The following APOL3 variants were observed in gnomAD, a reference collection of about 807,000 sequenced individuals.
The protein encoded by APOL3 is TNF-inducible protein CG12-1.
Under a neutral mutation model 11.6 loss-of-function variants are expected in APOL3, and 14 were observed. The observed-to-expected ratio is 1.21, with a 90% confidence interval of 0.80 to 1.89. APOL3 has a LOEUF of 1.89. APOL3 is among the 40% of genes most tolerant of loss of function. The pLI is 0.00. For missense variants in APOL3, 483 were observed against 492.1 expected (o/e 0.98, Z 0.17); for synonymous variants, 192 against 190.6 (o/e 1.01, Z -0.06).
chr22:36,141,340 C>A (rs776356595), exon 3 of APOL3: 2 of 1,614,076 alleles, frequency 1.2e-6, no homozygotes, highest in Non-Finnish European at 1.7e-6. Flanking sequence ...GACTCGTATA[C>A]AAGGTTGACC....
At position 36,152,335 on chromosome 22, in the gene APOL3, C is replaced by T. The variant is rs1464558639; in HGVS notation, c.224-6736G>A. ...TGTGCAACCATATTGTACAACTCAG[C>T]TCAACAGTAAGCAAGATTTAAAGCG... is the stretch of plus-strand genomic sequence containing the variant. On this transcript the variant is annotated intron_variant, in intron 1 of 2. Transcript: ENST00000349314. Among the ~76,000 whole-genome samples the T allele has an allele frequency of 5.9e-5, 9 of 152,310 alleles. No individual in the cohort carries two copies. In the East Asian group the frequency reaches 1.5e-3, roughly 26 times the overall value.
At chr22:36,144,928 G>A (rs1028749728) in intron 2 of APOL3, among the ~76,000 whole-genome samples, 30 of 149,898 alleles carry the variant, frequency 2.0e-4, no homozygotes, top group Admixed American at 7.3e-4. Context: ...GGAGAATGGC[G>A]TGAAACCGGG....
intron 1 of APOL3, among the ~76,000 whole-genome samples, chr22:36,148,299 G>A (rs747492147): frequency 4.6e-5 from 7 of 152,182 alleles, no homozygotes; most frequent in South Asian, 2.1e-4. Context: ...CAGGGCAGGC[G>A]CCCTGGGGGA....
At chr22:36,145,944 C>T (rs1438787756) in intron 1 of APOL3, among the ~76,000 whole-genome samples, 2 of 150,842 alleles carry the variant, frequency 1.3e-5, no homozygotes, top group East Asian at 4.0e-4. Context: ...CCCTCGCTGT[C>T]TCTCTTGCCT....
chr22:36,149,812 G>A (rs1271936707), intron 1 of APOL3: 1 of 455,796 alleles, frequency 2.2e-6, no homozygotes, highest in East Asian at 6.9e-5. Context: ...TCTGTGTCTT[G>A]CACTCTATGC....
chr22:36,142,776 T>C (rs1182996360), intron 2 of APOL3, among the ~76,000 whole-genome samples: 1 of 152,174 alleles, frequency 6.6e-6, no homozygotes, highest in African/African-American at 2.4e-5. Context: ...AAAGACTTTC[T>C]CCTTGGCCAA....
intron 1 of APOL3, chr22:36,149,760 C>T: frequency 2.2e-6 from 1 of 445,370 alleles, no homozygotes; most frequent in Non-Finnish European, 4.5e-6. Context: ...AAAATATTGA[C>T]TCATGCATAC....
chr22:36,141,351 A>G, exon 3 of APOL3: 1 of 1,614,184 alleles, frequency 6.2e-7, no homozygotes, highest in Non-Finnish European at 8.5e-7. Context: ...AAGGTTGACC[A>G]CATCCAGTGC....
At chr22:36,154,489 CAAG>C (rs66506538) in intron 1 of APOL3, 117,073 of 408,928 alleles carry the variant, frequency 0.29, 18,598 homozygotes, top group South Asian at 0.35. Flanking sequence ...TTGGTTTTAA[CAAG>C]AAGAGCATCT....
At position 36,154,760 on chromosome 22, in the gene APOL3, C is replaced by T. The variant is rs182941347; in HGVS notation, c.223+5909G>A. On this transcript the variant is annotated intron_variant, in intron 1 of 2. Transcript: ENST00000349314. Reference sequence around the variant, plus strand: ...AGACAGAAACTGAGTCTCTGCTCCACCCACAAAATACCAAACACTCCCTCT... The same window carrying T: ...AGACAGAAACTGAGTCTCTGCTCCATCCACAAAATACCAAACACTCCCTCT... 24 of 358,400 alleles carry T rather than the reference C, an allele frequency of 6.7e-5. No individual in the cohort carries two copies. The East Asian group carries it at 1.9e-3, about 29-fold the overall frequency. The allele number at this position is 358,400 out of a possible 1,614,324, so 22.2% of individuals were successfully genotyped here. A position where few individuals can be genotyped will look rare whatever the true frequency, so the allele number is the denominator to read the frequency against.
chr22:36,159,968 A>C (rs1022856189), intron 1 of APOL3, among the ~76,000 whole-genome samples: 1 of 151,450 alleles, frequency 6.6e-6, no homozygotes. Context: ...TGCAACCTTC[A>C]TCACCTGGGT....
rs1246681907 is a variant in APOL3, at chr22:36,160,666, T to A, written c.223+3A>T. 1 of 1,613,918 alleles carries A rather than the reference T, an allele frequency of 6.2e-7. No homozygotes were observed. The highest frequency in any genetic ancestry group is 2.2e-5 in the East Asian group (1 of 44,894). Reference sequence around the variant, plus strand: ...GGGGAAGGTCAGACCACCCCTAACTTACCAAGGAAGCTTCTCTTGAAAGAG... The same window carrying A: ...GGGGAAGGTCAGACCACCCCTAACTAACCAAGGAAGCTTCTCTTGAAAGAG... On this transcript the variant is annotated splice_donor_region_variant and intron_variant, in intron 1 of 2. Transcript: ENST00000349314.
intron 1 of APOL3, among the ~76,000 whole-genome samples, chr22:36,147,476 T>C (rs2060262418): frequency 6.6e-6 from 1 of 152,200 alleles, no homozygotes; most frequent in African/African-American, 2.4e-5. Context: ...GCCAAGCCCT[T>C]CTGAAGGATT....
chr22:36,152,109 T>C (rs1258917180), intron 1 of APOL3, among the ~76,000 whole-genome samples: 1 of 152,004 alleles, frequency 6.6e-6, no homozygotes, highest in Non-Finnish European at 1.5e-5. Flanking sequence ...CAGCTGGGCA[T>C]GCAGCAGGCC....
At chr22:36,148,944 G>C (rs2060322829) in intron 1 of APOL3, 102 bp downstream of exon 2, 1 of 1,177,784 alleles carries the variant, frequency 8.5e-7, no homozygotes, top group African/African-American at 1.6e-5. Context: ...CGGCCTGCTT[G>C]ACCATCCGGG....
rs972099013 is a variant in APOL3 at position 36,145,964 on chromosome 22, C to G, written c.224-365G>C. 7.3e-4 allele frequency among the ~76,000 whole-genome samples: 97 copies of G among 133,378 alleles called. No homozygotes were observed. The Middle Eastern group carries it at 0.015, about 20-fold the overall frequency. 87.5% of individuals were successfully genotyped at this position (133,378 alleles called of 152,430 possible). On this transcript the variant is annotated intron_variant, in intron 1 of 2. Coordinates refer to ENST00000349314, the Ensembl canonical transcript of APOL3. ...GCTGTCTCTCTTGCCTTCCAGCCCT[C>G]TCTCCCTGTCTCTCTTTCTCTCTCT...
At position 36,152,946 on chromosome 22, in the gene APOL3, T is replaced by TA. The variant is rs1603475280; in HGVS notation, c.224-7348dup. On this transcript the variant is annotated intron_variant, in intron 1 of 2. Transcript: ENST00000349314. ...CAACATGGAGCAACTCTGTCTCTAC[T>TA]AAAAAAATGAAAAAATTAGCCGGGC... is the stretch of plus-strand genomic sequence containing the variant. 2.6e-5 allele frequency among the ~76,000 whole-genome samples: 4 copies of TA among 152,146 alleles called. No homozygotes were observed. The Middle Eastern group carries it at 0.014, about 518-fold the overall frequency.
At chr22:36,150,186 G>GA (rs1206581588) in intron 1 of APOL3, among the ~76,000 whole-genome samples, 2 of 151,944 alleles carry the variant, frequency 1.3e-5, no homozygotes, top group Admixed American at 1.3e-4. Flanking sequence ...TGGGAAATGA[G>GA]AAAAAAGAAA....
chr22:36,142,158 T>A, intron 2 of APOL3, 100 bp from the exon 4 acceptor site: 1 of 1,304,058 alleles, frequency 7.7e-7, no homozygotes, highest in Non-Finnish European at 1.0e-6. Flanking sequence ...GCTATTACTA[T>A]GAGTCAAATG....
Sources: gnomAD v4.1 joint callset for allele counts (sites outside exome capture counted in the v4.1 genomes callset) on GRCh38, gnomAD v4.1.1 for gene constraint, MANE v1.5 for transcripts, NCBI Gene and HGNC (gene_info 2026-07-23, HGNC 2026-07-21) for gene names.